Variants in SPATA17 observed in about 807,000 individuals in gnomAD.
SPATA17 encodes the protein spermatogenesis associated 17, also known as spermatogenesis-associated protein 17.
Under a neutral mutation model 62.2 loss-of-function variants are expected in SPATA17, and 53 were observed. The ratio of observed to expected loss-of-function variants is 0.85; its 90% CI spans 0.68 to 1.07. The LOEUF is 1.07. Among genes scored for constraint, SPATA17 ranks in the 50% least tolerant of loss-of-function variants. SPATA17 has a pLI of 0.00. For missense variants in SPATA17, 466 were observed against 425.5 expected (o/e 1.10, Z -0.84); for synonymous variants, 146 against 146.8 (o/e 0.99, Z 0.04).
intron 9 of SPATA17, among the ~76,000 whole-genome samples, chr1:217,853,009 G>A (rs1289866676): frequency 6.6e-6 from 1 of 152,116 alleles, no homozygotes; most frequent in African/African-American, 2.4e-5. Context: ...GTTCCATGAA[G>A]TCAGGAATTT....
intron 8 of SPATA17, among the ~76,000 whole-genome samples, chr1:217,796,399 G>A (rs1340146477): frequency 6.6e-6 from 1 of 152,078 alleles, no homozygotes; most frequent in Admixed American, 6.6e-5. Flanking sequence ...AATAAATCCA[G>A]GGAAATGTAT....
Position 217,869,049 on chromosome 1 carries a change from A to T in SPATA17, c.*2030A>T, listed in dbSNP as rs1319349925. 1 of 152,224 alleles carries T rather than the reference A, an allele frequency of 6.6e-6. No homozygotes were observed. The highest frequency in any genetic ancestry group is 2.4e-5 in the African/African-American group (1 of 41,444). The allele number at this position is 152,224 out of a possible 1,614,324, so 9.4% of individuals were successfully genotyped here. A position where few individuals can be genotyped will look rare whatever the true frequency, so the allele number is the denominator to read the frequency against. On this transcript the variant is annotated 3_prime_UTR_variant, in exon 11 of 11. Transcript: ENST00000366933. The stretch of plus-strand genomic sequence containing the variant: ...GTTAAGGACATGCCCTTGACACTGC[A>T]CCTGTCAGTACAGGTCCTGACAACA...
At chr1:217,681,014 G>A (rs1314903939) in intron 4 of SPATA17, among the ~76,000 whole-genome samples, 1 of 150,658 alleles carries the variant, frequency 6.6e-6, no homozygotes, top group Non-Finnish European at 1.5e-5. Flanking sequence ...AGATCACGAG[G>A]TCAAGAGATC....
chr1:217,718,868 AAAAC>A (rs1334120241), intron 5 of SPATA17, among the ~76,000 whole-genome samples: 2 of 152,184 alleles, frequency 1.3e-5, no homozygotes, highest in African/African-American at 2.4e-5. Flanking sequence ...CAAACAAAAC[AAAAC>A]AAACAAAAAA....
intron 9 of SPATA17, among the ~76,000 whole-genome samples, chr1:217,807,543 A>G (rs1373131948): frequency 1.3e-5 from 2 of 152,142 alleles, no homozygotes; most frequent in Non-Finnish European, 2.9e-5. Context: ...GTTATGGCTC[A>G]TCGTATTATG....
At chr1:217,658,091 T>C (rs939371657) in intron 3 of SPATA17, among the ~76,000 whole-genome samples, 1 of 152,206 alleles carries the variant, frequency 6.6e-6, no homozygotes, top group Non-Finnish European at 1.5e-5. Context: ...ACATGGGGAT[T>C]ATTACAATTC....
intron 5 of SPATA17, among the ~76,000 whole-genome samples, chr1:217,711,664 T>C (rs548839286): frequency 1.3e-5 from 2 of 152,332 alleles, no homozygotes; most frequent in East Asian, 3.9e-4. Flanking sequence ...TAGTGGCTAT[T>C]ATTATCAAGG....
At position 217,646,713 on chromosome 1, in the gene SPATA17, G is replaced by A. The variant is rs1008228026; in HGVS notation, c.69-2169G>A. 4.6e-5 allele frequency among the ~76,000 whole-genome samples: 7 copies of A among 152,096 alleles called. No individual in the cohort carries two copies. In the South Asian group the frequency reaches 1.5e-3, roughly 32 times the overall value. On this transcript the variant is annotated intron_variant, in intron 1 of 10. Coordinates refer to ENST00000366933, the MANE Select transcript of SPATA17 (RefSeq NM_138796.4). ...AGTTCAAGACCAGCCTGGCCAATAT[G>A]GTGAAACCCTGTCTCTACTAAAAAT... is the stretch of plus-strand genomic sequence containing the variant.
At chr1:217,776,512 T>C (rs943158889) in intron 7 of SPATA17, among the ~76,000 whole-genome samples, 1 of 152,154 alleles carries the variant, frequency 6.6e-6, no homozygotes, top group Admixed American at 6.5e-5. Context: ...GGTGAGTTCC[T>C]CTTACTCAAG....
At chr1:217,741,552 C>A (rs927649664) in intron 5 of SPATA17, among the ~76,000 whole-genome samples, 14 of 151,962 alleles carry the variant, frequency 9.2e-5, no homozygotes, top group Non-Finnish European at 1.5e-5. Flanking sequence ...AAAATTAGGC[C>A]ATTAGTTAGT....
At chr1:217,783,444 T>C (rs983616590) in intron 8 of SPATA17, among the ~76,000 whole-genome samples, 5 of 152,022 alleles carry the variant, frequency 3.3e-5, no homozygotes, top group Admixed American at 6.6e-5. Context: ...GTTTAGCAGA[T>C]TCTTTCAATA....
At chr1:217,667,989 G>C (rs889791986) in intron 3 of SPATA17, among the ~76,000 whole-genome samples, 2 of 152,168 alleles carry the variant, frequency 1.3e-5, no homozygotes, top group Non-Finnish European at 2.9e-5. Context: ...ATCAGACCAG[G>C]CAATTCAAAC....
At position 217,702,804 on chromosome 1, in the gene SPATA17, T is replaced by G. The variant is rs1016599430; in HGVS notation, c.395+19443T>G. Among the ~76,000 whole-genome samples, 10 of 152,194 alleles carry G rather than the reference T, an allele frequency of 6.6e-5. No individual in the cohort carries two copies. The South Asian group carries it at 1.5e-3, about 22-fold the overall frequency. ...TCTTAAATTAGCTTTATCCCATATG[T>G]TCTATCGAATGATAGTTATATGGTT... is the stretch of plus-strand genomic sequence containing the variant. On this transcript the variant is annotated intron_variant, in intron 5 of 10. Coordinates refer to ENST00000366933, the MANE Select transcript of SPATA17 (RefSeq NM_138796.4).
chr1:217,779,665 C>A (rs1295812998), intron 7 of SPATA17, among the ~76,000 whole-genome samples: 1 of 150,258 alleles, frequency 6.7e-6, no homozygotes, highest in African/African-American at 2.5e-5. Context: ...GATTGTTTTA[C>A]ATTTTGTTTT....
chr1:217,716,458 A>G (rs6684736), intron 5 of SPATA17, among the ~76,000 whole-genome samples: 27,704 of 152,130 alleles, frequency 0.18, 2,739 homozygotes, highest in African/African-American at 0.26. Context: ...GTCACAATTA[A>G]TATTAAGTGG....
chr1:217,684,976 G>A (rs539088029), intron 5 of SPATA17, among the ~76,000 whole-genome samples: 2 of 152,218 alleles, frequency 1.3e-5, no homozygotes, highest in South Asian at 4.2e-4. Context: ...GGATTTAGTC[G>A]ATTGGAGAAG....
chr1:217,707,222 C>T (rs895796889), intron 5 of SPATA17, among the ~76,000 whole-genome samples: 5 of 151,960 alleles, frequency 3.3e-5, no homozygotes, highest in African/African-American at 4.8e-5. Context: ...ATTTGGCTCT[C>T]GGCTTGGATG....
At chr1:217,664,336 A>G (rs892970663) in intron 3 of SPATA17, among the ~76,000 whole-genome samples, 1 of 133,612 alleles carries the variant, frequency 7.5e-6, no homozygotes, top group African/African-American at 2.9e-5. Flanking sequence ...TCTGTTGCCC[A>G]GACTGGAGTG....
chr1:217,636,285 A>G (rs1000161362), intron 1 of SPATA17, among the ~76,000 whole-genome samples: 15 of 152,380 alleles, frequency 9.8e-5, no homozygotes, highest in African/African-American at 3.4e-4. Flanking sequence ...CCTAATGGCT[A>G]GCATCAGAAT....
Sources: allele counts gnomAD v4.1 joint callset (sites outside exome capture counted in the v4.1 genomes callset), GRCh38; gene constraint gnomAD v4.1.1; transcripts MANE v1.5; gene names NCBI Gene and HGNC (gene_info 2026-07-23, HGNC 2026-07-21).